The following PPP1R7 variants were observed in gnomAD, a reference collection of about 807,000 sequenced individuals.
PPP1R7 encodes the protein protein phosphatase 1 regulatory subunit 7, also known as protein phosphatase 1 regulatory subunit 22.
In PPP1R7, 18 loss-of-function variants were observed where a neutral mutation model predicts 45.2. That is an observed-to-expected ratio of 0.40 (90% confidence interval 0.28 to 0.59). The LOEUF (loss-of-function observed/expected upper bound fraction) is 0.59, where lower values mean the gene tolerates loss of function less well. Ranked by LOEUF, PPP1R7 falls within the 20% of genes least tolerant of loss-of-function variation. The pLI is 0.46. For synonymous variants in PPP1R7, 181 were observed against 183.4 expected (o/e 0.99, Z 0.11); for missense variants, 314 against 455.8 (o/e 0.69, Z 2.83).
chr2:241,180,818 C>T (rs1395021846), intron 9 of PPP1R7, among the ~76,000 whole-genome samples: 2 of 152,116 alleles, frequency 1.3e-5, no homozygotes, highest in Non-Finnish European at 2.9e-5. Context: ...AGGTGTCAGT[C>T]CCTCTTCAAG....
rs1365221204 is a variant in PPP1R7 at position 241,150,563 on chromosome 2, G to A, written c.52+16G>A. ...ATGATGGAGGGTGAGCGGCCCCTGC[G>A]GGCGGCGGCCCAAGGGCCCAGCGGG... is the stretch of plus-strand genomic sequence containing the variant. On this transcript the variant is annotated intron_variant, in intron 1 of 9. Transcript: ENST00000234038. The A allele has an allele frequency of 6.3e-7, 1 of 1,585,986 alleles. No individual in the cohort carries two copies. The highest frequency in any genetic ancestry group is 1.4e-5 in the African/African-American group (1 of 72,286).
intron 1 of PPP1R7, 132 bp from the exon 2 acceptor site, chr2:241,153,343 CA>C (rs765583426): frequency 5.7e-6 from 7 of 1,220,214 alleles, no homozygotes; most frequent in Non-Finnish European, 8.1e-6. Flanking sequence ...GGGAGACACT[CA>C]GATGTTCGTT....
rs1242850040 is a variant in PPP1R7 at position 241,160,381 on chromosome 2, A to G, written c.484A>G (p.Lys162Glu). 1 of 1,612,804 alleles carries G rather than the reference A, an allele frequency of 6.2e-7. No individual in the cohort carries two copies. The highest frequency in any genetic ancestry group is 8.5e-7 in the Non-Finnish European group (1 of 1,179,676). Residue 162 changes from lysine (K) to glutamate (E), a missense_variant, in exon 6 of 10, where the codon AAG becomes GAG. Lys to Glu is a moderately conservative substitution (Grantham distance 56, BLOSUM62 1). This residue lies in a region of PPP1R7 where 168 missense variants were observed against 285.3 expected (regional missense o/e 0.59). Coordinates refer to ENST00000234038, the MANE Select transcript of PPP1R7 (RefSeq NM_002712.3). Reference sequence around the variant, plus strand: ...GCTGAGAAACATCGAAGGGGTTGACAAGTTGACACGACTGAAAAAACTCTT... The same window carrying G: ...GCTGAGAAACATCGAAGGGGTTGACGAGTTGACACGACTGAAAAAACTCTT... ...NLLRNIEGVD[K>E]LTRLKKLFLV...
At chr2:241,165,583 T>C (rs1303138345) in intron 7 of PPP1R7, among the ~76,000 whole-genome samples, 1 of 152,150 alleles carries the variant, frequency 6.6e-6, no homozygotes, top group Non-Finnish European at 1.5e-5. Context: ...CATTCTAGCA[T>C]GTTTTTTGTT....
intron 7 of PPP1R7, among the ~76,000 whole-genome samples, chr2:241,164,414 C>T (rs1363430665): frequency 6.6e-6 from 1 of 152,184 alleles, no homozygotes; most frequent in Admixed American, 6.5e-5. Flanking sequence ...TTGGGTGTGC[C>T]TAGGCTCCTG....
intron 7 of PPP1R7, among the ~76,000 whole-genome samples, chr2:241,164,888 A>G (rs1352581117): frequency 1.3e-5 from 2 of 152,028 alleles, no homozygotes; most frequent in African/African-American, 4.8e-5. Context: ...TCTCTACTGA[A>G]AATACAAAAA....
At chr2:241,167,153 TAA>T (rs2067733220) in intron 8 of PPP1R7, 1 of 1,327,196 alleles carries the variant, frequency 7.5e-7, no homozygotes, top group African/African-American at 1.5e-5. Context: ...TCAAGACAAA[TAA>T]AAGACTTTTT....
chr2:241,150,868 T>C (rs771864277), intron 1 of PPP1R7, among the ~76,000 whole-genome samples: 1 of 151,944 alleles, frequency 6.6e-6, no homozygotes, highest in African/African-American at 2.4e-5. Context: ...CCTCTGAGAT[T>C]GACGGGCGGG....
In PPP1R7 at chr2:241,166,355, A is replaced by T; in HGVS notation, c.733A>T (p.Ile245Phe). The T allele has an allele frequency of 6.2e-7, 1 of 1,614,022 alleles. No individual in the cohort carries two copies. The highest frequency in any genetic ancestry group is 8.5e-7 in the Non-Finnish European group (1 of 1,179,924). Residue 245 changes from isoleucine (I) to phenylalanine (F), a missense_variant, in exon 8 of 10, where the codon ATC becomes TTC. Ile to Phe is a conservative substitution (Grantham distance 21, BLOSUM62 0). This residue lies in a region of PPP1R7 where 168 missense variants were observed against 285.3 expected (regional missense o/e 0.59). Coordinates refer to ENST00000234038, the MANE Select transcript of PPP1R7 (RefSeq NM_002712.3). ...CTTGCAGAGCAACCGGCTGACCAAG[A>T]TCGAGGGTCTGCAGAACCTGGTGAA... ...LSMQSNRLTK[I>F]EGLQNLVNLR...
intron 9 of PPP1R7, among the ~76,000 whole-genome samples, chr2:241,170,202 G>C (rs2067789570): frequency 6.6e-6 from 1 of 152,234 alleles, no homozygotes; most frequent in South Asian, 2.1e-4. Flanking sequence ...CCCTGATCTA[G>C]GTATGGGTAG....
chr2:241,172,065 G>A (rs954938458), intron 9 of PPP1R7, among the ~76,000 whole-genome samples: 19 of 151,420 alleles, frequency 1.3e-4, no homozygotes, highest in African/African-American at 4.6e-4. Context: ...TTGTGTAATG[G>A]TTGAGTTTAA....
chr2:241,170,158 C>T (rs923206491), intron 9 of PPP1R7, among the ~76,000 whole-genome samples: 5 of 152,324 alleles, frequency 3.3e-5, no homozygotes, highest in East Asian at 1.9e-4. Context: ...TACAAGACTC[C>T]GGGTGATTGC....
At chr2:241,149,997 G>A (rs955064910), upstream of PPP1R7, 3 of 1,410,654 alleles carry the variant, frequency 2.1e-6, no homozygotes, top group African/African-American at 2.9e-5. Flanking sequence ...GAATGTTGTT[G>A]CTCTTGCCGT....
chr2:241,151,669 C>G (rs1575376992), intron 1 of PPP1R7: 1 of 427,960 alleles, frequency 2.3e-6, no homozygotes, highest in Non-Finnish European at 4.9e-6. Context: ...TATCCTCCCA[C>G]TCCCTCTTCA....
At chr2:241,169,992 G>C (rs1364716248) in intron 9 of PPP1R7, 125 bp downstream of exon 9, 1 of 761,332 alleles carries the variant, frequency 1.3e-6, no homozygotes, top group Non-Finnish European at 2.2e-6. Flanking sequence ...CGCACATCAT[G>C]AGATTTGGGG....
chr2:241,163,496 A>G (rs1436914088), intron 7 of PPP1R7, 95 bp downstream of exon 7: 2 of 844,874 alleles, frequency 2.4e-6, no homozygotes, highest in Non-Finnish European at 3.9e-6. Flanking sequence ...TGCCTTCACA[A>G]TTGGCACTTC....
intron 5 of PPP1R7, 91 bp from the exon 6 acceptor site, chr2:241,160,241 A>G (rs1414476041): frequency 9.2e-6 from 7 of 760,608 alleles, no homozygotes; most frequent in African/African-American, 5.5e-5. Flanking sequence ...CCGTCCCCTG[A>G]TGGGGACGCC....
At chr2:241,149,763 G>A (rs896724457), upstream of PPP1R7, 18 of 1,538,856 alleles carry the variant, frequency 1.2e-5, no homozygotes, top group African/African-American at 2.5e-4. Flanking sequence ...CGGAGGACGC[G>A]GGGCGGCTCG....
chr2:241,167,093 C>T (rs370988470), intron 8 of PPP1R7: 98 of 1,609,940 alleles, frequency 6.1e-5, no homozygotes, highest in Non-Finnish European at 7.3e-5. Context: ...ACAGAGCCCC[C>T]ACCCTCCTCA....
Sources: gnomAD v4.1 joint callset for allele counts (sites outside exome capture counted in the v4.1 genomes callset) on GRCh38, gnomAD v4.1.1 for gene constraint, gnomAD v4.1.1 regional missense constraint, MANE v1.5 for transcripts, NCBI Gene and HGNC (gene_info 2026-07-23, HGNC 2026-07-21) for gene names.